The following MSN variants were observed in gnomAD, a reference collection of about 807,000 sequenced individuals.
MSN encodes moesin.
Under a neutral mutation model 48.0 loss-of-function variants are expected in MSN, and 2 were observed. That is an observed-to-expected ratio of 0.04 (90% confidence interval 0.02 to 0.13). The LOEUF (loss-of-function observed/expected upper bound fraction) is 0.13, where lower values mean the gene tolerates loss of function less well. Among genes scored for constraint, MSN ranks in the 10% least tolerant of loss-of-function variants. MSN has a pLI of 1.00. For missense variants in MSN, 267 were observed against 470.1 expected (o/e 0.57, Z 3.99); for synonymous variants, 146 against 166.9 (o/e 0.87, Z 0.97).
chrX:65,649,641 GTATGTGTGTGTA>G (rs2070725414), intron 1 of MSN, among the ~76,000 whole-genome samples: 1 of 104,334 alleles, frequency 9.6e-6, no homozygotes, highest in Non-Finnish European at 1.9e-5. Context: ...GTGTGTATAT[GTATGTGTGTGTA>G]TATGTGTGTG....
Position 65,623,189 on chromosome X carries a change from C to A in MSN, c.-22+34577C>A, listed in dbSNP as rs2070468110. Among the ~76,000 whole-genome samples, 2 of 109,294 alleles carry A rather than the reference C, an allele frequency of 1.8e-5. 1 individual carries two copies. Among genetic ancestry groups the A allele is most frequent in the African/African-American group, 6.8e-5 (2 of 29,223 alleles). The allele number at this position is 109,294 out of a possible 115,157, so 94.9% of individuals were successfully genotyped here. A position where few individuals can be genotyped will look rare whatever the true frequency, so the allele number is the denominator to read the frequency against. On this transcript the variant is annotated intron_variant, in intron 1 of 3. Transcript: ENST00000609672. ...AGTTGAGGACCTTTGCCTCTAAATT[C>A]ATAAGGGAGTTTAGTCTGTATTTTT...
At chrX:65,590,506 G>T (rs760613399) in intron 1 of MSN, among the ~76,000 whole-genome samples, 6 of 111,043 alleles carry the variant, frequency 5.4e-5, no homozygotes, top group Non-Finnish European at 1.1e-4. Flanking sequence ...TACCCCCGAA[G>T]GACGCTCCCA....
At chrX:65,603,483 A>G (rs2070254418) in intron 1 of MSN, among the ~76,000 whole-genome samples, 1 of 111,797 alleles carries the variant, frequency 8.9e-6, no homozygotes, top group South Asian at 3.7e-4. Flanking sequence ...AAGGTCATGC[A>G]CCTGGAAATG....
intron 1 of MSN, among the ~76,000 whole-genome samples, chrX:65,649,277 A>G (rs867164805): frequency 2.0e-5 from 2 of 99,100 alleles, no homozygotes; most frequent in South Asian, 8.7e-4. Context: ...ATATATATAT[A>G]TCTATGGCCA....
chrX:65,684,359 C>G (rs1394071787), intron 1 of MSN, among the ~76,000 whole-genome samples: 1 of 112,158 alleles, frequency 8.9e-6, no homozygotes, highest in Admixed American at 9.4e-5. Flanking sequence ...AATGTCAAAT[C>G]CGATTTTAAA....
chrX:65,653,334 T>G (rs1020120729), intron 1 of MSN, among the ~76,000 whole-genome samples: 2 of 111,381 alleles, frequency 1.8e-5, no homozygotes, highest in Non-Finnish European at 3.8e-5. Context: ...GGCTCACATC[T>G]TCATGTAAAT....
At chrX:65,650,643 G>A (rs1399022284) in intron 1 of MSN, among the ~76,000 whole-genome samples, 1 of 112,197 alleles carries the variant, frequency 8.9e-6, no homozygotes, top group Non-Finnish European at 1.9e-5. Context: ...GGGCTATGAT[G>A]GTGAGCAGAA....
intron 12 of MSN, 127 bp from the exon 13 acceptor site, chrX:65,739,602 T>C: frequency 1.3e-6 from 1 of 762,808 alleles, no homozygotes; most frequent in East Asian, 3.5e-5. Context: ...TGACTCTCAA[T>C]ATTTATATAT....
At chrX:65,590,588 G>A (rs1159739610) in intron 1 of MSN, among the ~76,000 whole-genome samples, 1 of 111,475 alleles carries the variant, frequency 9.0e-6, no homozygotes, top group African/African-American at 3.3e-5. Context: ...CACAATTTGA[G>A]GGCATCCCTC....
rs748200741 is a variant in MSN at position 65,737,309 on chromosome X, C to T, written c.1222C>T (p.Arg408Trp). Reference sequence around the variant, plus strand: ...CAAGGAGGCCTTGCTGCAGGCCTCCCGGGACCAGAAAAAGACTCAGGAACA... The same window carrying T: ...CAAGGAGGCCTTGCTGCAGGCCTCCTGGGACCAGAAAAAGACTCAGGAACA... ...EAKEALLQAS[R>W]DQKKTQEQLA... Residue 408 changes from arginine (R) to tryptophan (W), a missense_variant, in exon 10 of 13, where the codon CGG becomes TGG. Physicochemically the swap from Arg to Trp is moderately radical, Grantham distance 101. Around this residue, in one of 5 missense-constraint regions of MSN, gnomAD observed 70 missense variants for 76.3 expected, o/e 0.92. Coordinates refer to ENST00000360270, the MANE Select transcript of MSN (RefSeq NM_002444.3). 1.5e-5 allele frequency: 18 copies of T among 1,208,228 alleles called. No individual in the cohort carries two copies. Among genetic ancestry groups the T allele is most frequent in the African/African-American group, 8.8e-5 (5 of 57,086 alleles).
intron 1 of MSN, among the ~76,000 whole-genome samples, chrX:65,685,646 A>G (rs746363234): frequency 3.6e-5 from 4 of 111,519 alleles, no homozygotes; most frequent in Non-Finnish European, 5.7e-5. Context: ...CCCAGGTTGG[A>G]GTGCAGTGGT....
At chrX:65,611,349 G>A (rs758920551) in intron 1 of MSN, among the ~76,000 whole-genome samples, 8 of 110,218 alleles carry the variant, frequency 7.3e-5, no homozygotes, top group African/African-American at 2.0e-4. Context: ...TAGTAGAGAC[G>A]GAATTTCACC....
At chrX:65,704,218 C>A (rs1490213317) in intron 1 of MSN, among the ~76,000 whole-genome samples, 1 of 112,193 alleles carries the variant, frequency 8.9e-6, no homozygotes, top group Non-Finnish European at 1.9e-5. Context: ...CTAGGTGTGG[C>A]CCCGGATAGG....
intron 2 of MSN, among the ~76,000 whole-genome samples, chrX:65,724,870 G>A (rs2071552954): frequency 9.1e-6 from 1 of 110,474 alleles, no homozygotes; most frequent in Non-Finnish European, 1.9e-5. Flanking sequence ...TGTATTTTTA[G>A]TAGAGACCAG....
chrX:65,661,006 C>T (rs2070819283), intron 1 of MSN, among the ~76,000 whole-genome samples: 1 of 111,413 alleles, frequency 9.0e-6, no homozygotes, highest in South Asian at 3.7e-4. Flanking sequence ...CTCTGTCACC[C>T]AGGCTGGAGT....
intron 1 of MSN, among the ~76,000 whole-genome samples, chrX:65,715,596 G>C (rs997735533): frequency 1.8e-5 from 2 of 111,576 alleles, no homozygotes; most frequent in Admixed American, 9.6e-5. Flanking sequence ...GTTCTGAATG[G>C]GATTGCCTTC....
Position 65,667,861 on chromosome X carries a change from C to T in MSN, c.12+8C>T. 8.3e-7 allele frequency: 1 copy of T among 1,209,165 alleles called. No homozygotes were observed. The highest frequency in any genetic ancestry group is 1.8e-5 in the South Asian group (1 of 56,703). On this transcript the variant is annotated splice_region_variant and intron_variant, in intron 1 of 12. Coordinates refer to ENST00000360270, the MANE Select transcript of MSN (RefSeq NM_002444.3). ...GCCACCATGCCCAAAACGGTGAGTG[C>T]CGGAGGTGGGCGCTGTCGACCCCAA...
At chrX:65,651,053 A>G (rs1408645620) in intron 1 of MSN, among the ~76,000 whole-genome samples, 3 of 111,855 alleles carry the variant, frequency 2.7e-5, no homozygotes, top group African/African-American at 9.7e-5. Flanking sequence ...TCTCAAGGTC[A>G]GCTGATTAGT....
chrX:65,606,162 G>A (rs1258016889), intron 1 of MSN, among the ~76,000 whole-genome samples: 2 of 103,041 alleles, frequency 1.9e-5, no homozygotes, highest in Non-Finnish European at 3.9e-5. Context: ...ACAGAGTCTC[G>A]CTCTGTCACC....
Sources: gnomAD v4.1 joint callset for allele counts (sites outside exome capture counted in the v4.1 genomes callset) on GRCh38, gnomAD v4.1.1 for gene constraint, gnomAD v4.1.1 regional missense constraint, MANE v1.5 for transcripts, NCBI Gene and HGNC (gene_info 2026-07-23, HGNC 2026-07-21) for gene names.